PUS7L: variants seen among roughly 807,000 people sequenced by gnomAD.
The protein encoded by PUS7L is pseudouridylate synthase PUS7L.
PUS7L carries 49 observed loss-of-function variants against 51.1 expected under a neutral mutation model. The ratio of observed to expected loss-of-function variants is 0.96; its 90% CI spans 0.76 to 1.22. The LOEUF is 1.22. Ranked by LOEUF, PUS7L falls within the 50% of genes most tolerant of loss-of-function variation. PUS7L has a pLI of 0.00. For synonymous variants in PUS7L, 277 were observed against 276.2 expected (o/e 1.00, Z -0.03); for missense variants, 828 against 820.6 (o/e 1.01, Z -0.11).
intron 2 of PUS7L, among the ~76,000 whole-genome samples, chr12:43,751,411 T>C (rs1938438201): frequency 1.4e-5 from 2 of 142,666 alleles, no homozygotes; most frequent in African/African-American, 2.6e-5. Flanking sequence ...GGTGTTCTCA[T>C]TGTTCAATTC....
At chr12:43,757,210 G>A (rs755004010) in intron 1 of PUS7L, among the ~76,000 whole-genome samples, 1 of 151,956 alleles carries the variant, frequency 6.6e-6, no homozygotes, top group Non-Finnish European at 1.5e-5. Flanking sequence ...TCACTCTGTC[G>A]TCCAGGCTGG....
intron 2 of PUS7L, among the ~76,000 whole-genome samples, chr12:43,753,781 GA>G (rs1938563885): frequency 6.6e-6 from 1 of 152,144 alleles, no homozygotes; most frequent in Non-Finnish European, 1.5e-5. Flanking sequence ...ATGGAGCTCT[GA>G]AATCTGTTTT....
intron 2 of PUS7L, among the ~76,000 whole-genome samples, chr12:43,749,550 G>C (rs1345800424): frequency 6.6e-6 from 1 of 152,090 alleles, no homozygotes; most frequent in African/African-American, 2.4e-5. Context: ...AACACCTATG[G>C]TCACAGCTAC....
intron 5 of PUS7L, chr12:43,740,936 C>G (rs1937869513): frequency 6.6e-6 from 1 of 152,164 alleles, no homozygotes; most frequent in Admixed American, 6.5e-5. Flanking sequence ...GTCAAGTCTT[C>G]AGAGACTACA....
chr12:43,734,588 G>A (rs17535213), intron 7 of PUS7L, among the ~76,000 whole-genome samples: 13,361 of 152,190 alleles, frequency 0.088, 735 homozygotes, highest in Middle Eastern at 0.15. Context: ...AGAGTTCAGA[G>A]TCTGTTTTAC....
intron 2 of PUS7L, among the ~76,000 whole-genome samples, chr12:43,749,276 G>A (rs1173721252): frequency 3.3e-5 from 5 of 152,026 alleles, no homozygotes; most frequent in African/African-American, 4.8e-5. Flanking sequence ...TTGTACTTTC[G>A]TACATTTAAG....
chr12:43,758,352 A>G, intron 1 of PUS7L: 1 of 985,496 alleles, frequency 1.0e-6, no homozygotes, highest in Admixed American at 6.1e-5. Flanking sequence ...TTCAACAGAG[A>G]CTGCTGCTGA....
At chr12:43,740,146 A>C (rs961772040) in intron 5 of PUS7L, among the ~76,000 whole-genome samples, 1 of 152,206 alleles carries the variant, frequency 6.6e-6, no homozygotes, top group Non-Finnish European at 1.5e-5. Flanking sequence ...AATGATTAAA[A>C]GATGTTCCTT....
In PUS7L at chr12:43,736,657, A is replaced by G. The variant is rs779642059; in HGVS notation, c.1449T>C (p.Asp483=). 3.7e-6 allele frequency: 6 copies of G among 1,612,972 alleles called. No individual in the cohort carries two copies. Among genetic ancestry groups the G allele is most frequent in the Non-Finnish European group, 5.1e-6 (6 of 1,179,114 alleles). ...RAKKYFLQTE[D]AKGTLSLMPE... ...GCATCAATGAAAGTGTGCCTTTAGC[A>G]TCCTCTGAAACAAAGGGTAAATCAG... The change falls in exon 7 of 9, where the codon GAT becomes GAC. Residue 483 remains aspartate, a synonymous_variant. Coordinates refer to ENST00000344862, the MANE Select transcript of PUS7L (RefSeq NM_031292.5).
chr12:43,747,932 C>A (rs11182247), intron 3 of PUS7L, among the ~76,000 whole-genome samples: 12 of 151,984 alleles, frequency 7.9e-5, no homozygotes, highest in African/African-American at 2.9e-4. Context: ...GGATTACAGG[C>A]GCACGCCATC....
chr12:43,758,762 C>T lies in PUS7L; in HGVS notation c.-49G>A. 1 of 980,020 alleles carries T rather than the reference C, an allele frequency of 1.0e-6. No homozygotes were observed. The highest frequency in any genetic ancestry group is 1.2e-6 in the Non-Finnish European group (1 of 826,204). The allele number at this position is 980,020 out of a possible 1,614,324, so 60.7% of individuals were successfully genotyped here. A position where few individuals can be genotyped will look rare whatever the true frequency, so the allele number is the denominator to read the frequency against. ...CAGTGGAAGGCATTCATTTGCACAA[C>T]GCTGTGCGCATGCCCGGAAGCCTTA... On this transcript the variant is annotated 5_prime_UTR_variant, in exon 1 of 9. Transcript: ENST00000344862.
chr12:43,754,418 T>TA lies in PUS7L; in HGVS notation c.827dup (p.Thr277AsnfsTer18). ...GTGCTTTTTCCCGAAATCTTACTGT[T>TA]ACCACCACATTCGGATTACCAGCAC... On this transcript the variant is annotated frameshift_variant, in exon 2 of 9. Coordinates refer to ENST00000344862, the MANE Select transcript of PUS7L (RefSeq NM_031292.5). LOFTEE classifies it high-confidence loss of function. 1 of 1,613,720 alleles carries TA rather than the reference T, an allele frequency of 6.2e-7. No homozygotes were observed. The highest frequency in any genetic ancestry group is 8.5e-7 in the Non-Finnish European group (1 of 1,179,758).
intron 2 of PUS7L, 59 bp from the exon 3 acceptor site, chr12:43,748,668 T>A (rs778293939): frequency 8.6e-6 from 11 of 1,284,210 alleles, no homozygotes; most frequent in African/African-American, 1.5e-5. Context: ...TCAATTACAT[T>A]CTTAGCTAAC....
chr12:43,730,336 A>G lies in PUS7L; in HGVS notation c.*40T>C. Reference sequence around the variant, plus strand: ...AAGACATTTTAGCCCCCTTTCCTTCAAAGAGTGACATATATATGGTTATAC... The same window carrying G: ...AAGACATTTTAGCCCCCTTTCCTTCGAAGAGTGACATATATATGGTTATAC... On this transcript the variant is annotated 3_prime_UTR_variant, in exon 9 of 9. Coordinates refer to ENST00000344862, the MANE Select transcript of PUS7L (RefSeq NM_031292.5). 1 of 1,505,008 alleles carries G rather than the reference A, an allele frequency of 6.6e-7. No individual in the cohort carries two copies. Among genetic ancestry groups the G allele is most frequent in the African/African-American group, 1.4e-5 (1 of 72,136 alleles). 93.2% of individuals were successfully genotyped at this position (1,505,008 alleles called of 1,614,324 possible).
At chr12:43,746,747 A>G (rs1293138017) in intron 3 of PUS7L, among the ~76,000 whole-genome samples, 1 of 152,188 alleles carries the variant, frequency 6.6e-6, no homozygotes, top group Non-Finnish European at 1.5e-5. Flanking sequence ...CTGATTTAAA[A>G]TTTCCTTTAT....
chr12:43,740,321 A>G (rs1937834748), intron 5 of PUS7L, among the ~76,000 whole-genome samples: 1 of 152,198 alleles, frequency 6.6e-6, no homozygotes, highest in Non-Finnish European at 1.5e-5. Flanking sequence ...TCAAACAAAT[A>G]TTATTAGGTA....
At chr12:43,743,590 T>G (rs867587866) in intron 4 of PUS7L, among the ~76,000 whole-genome samples, 62 of 152,120 alleles carry the variant, frequency 4.1e-4, no homozygotes, top group African/African-American at 1.4e-3. Context: ...GGTGAAACCC[T>G]GTCTCTACTA....
intron 2 of PUS7L, among the ~76,000 whole-genome samples, chr12:43,754,034 T>G (rs1938576331): frequency 7.9e-5 from 12 of 152,206 alleles, no homozygotes; most frequent in Admixed American, 7.9e-4. Flanking sequence ...TAAAACTTAT[T>G]AAACACGAAC....
Position 43,724,957 on chromosome 12 carries a change from T to C in PUS7L, c.*5419A>G, listed in dbSNP as rs148391798. 1.4e-3 allele frequency: 215 copies of C among 152,272 alleles called. 1 individual carries two copies. Among genetic ancestry groups the C allele is most frequent in the African/African-American group, 4.8e-3 (200 of 41,566 alleles). The allele number at this position is 152,272 out of a possible 1,614,324, so 9.4% of individuals were successfully genotyped here. ...AGATAAATTCAATAAAACAATGCAATCCTATTACATTCTAGCTACATATTA... is the reference window on the plus strand; with the variant it reads ...AGATAAATTCAATAAAACAATGCAACCCTATTACATTCTAGCTACATATTA... On this transcript the variant is annotated 3_prime_UTR_variant, in exon 9 of 9. Coordinates refer to ENST00000344862, the MANE Select transcript of PUS7L (RefSeq NM_031292.5).
Sources: gnomAD v4.1 joint callset for allele counts (sites outside exome capture counted in the v4.1 genomes callset) on GRCh38, gnomAD v4.1.1 for gene constraint, MANE v1.5 for transcripts, NCBI Gene and HGNC (gene_info 2026-07-23, HGNC 2026-07-21) for gene names.